TCF20: variants seen among roughly 807,000 people sequenced by gnomAD.
TCF20 encodes transcription factor 20.
A neutral mutation model predicts 148.6 loss-of-function variants in TCF20; 3 were observed. The observed-to-expected ratio is 0.02, with a 90% CI of 0.01 to 0.05. TCF20 has a LOEUF of 0.05. TCF20 is among the 10% of genes least tolerant of loss of function. The pLI is 1.00. For synonymous variants in TCF20, 1,049 were observed against 909.5 expected, an observed-to-expected ratio of 1.15 and a Z score of -2.76; for missense variants, 2,350 against 2,429.3, an observed-to-expected ratio of 0.97 and a Z score of 0.69.
intron 1 of TCF20, among the ~76,000 whole-genome samples, chr22:42,253,698 A>G (rs1389546268): frequency 6.6e-6 from 1 of 152,230 alleles, no homozygotes; most frequent in Admixed American, 6.5e-5. Flanking sequence ...CATTCCTTGA[A>G]AAGCTGAACA....
intron 2 of TCF20, among the ~76,000 whole-genome samples, chr22:42,187,186 T>G (rs1937085210): frequency 6.6e-6 from 1 of 152,212 alleles, no homozygotes; most frequent in South Asian, 2.1e-4. Context: ...GATGGTACTA[T>G]TCCTTACAAC....
intron 2 of TCF20, among the ~76,000 whole-genome samples, chr22:42,186,599 G>T (rs889960045): frequency 7.2e-5 from 11 of 152,114 alleles, no homozygotes; most frequent in African/African-American, 2.7e-4. Flanking sequence ...CATGGGTCTG[G>T]ACACCTGCTG....
Position 42,179,609 on chromosome 22 carries a change from C to T in TCF20, c.5749G>A (p.Asp1917Asn). ...RYHYPCAIDA[D>N]CLLHEENFSV... ...ACAAGGGTCTGTGGTCTCCTCTTAC[C>T]TGCATCAATGGCACACGGGTAATGG... The change falls in exon 3 of 6, where the codon GAT becomes AAT. Residue 1917 changes from aspartate to asparagine, a missense_variant and splice_region_variant. Physicochemically the swap from Asp to Asn is conservative, Grantham distance 23. Around this residue, in one of 7 missense-constraint regions of TCF20, gnomAD observed 67 missense variants for 60.8 expected, o/e 1.10. Coordinates refer to ENST00000677622, the MANE Select transcript of TCF20 (RefSeq NM_001378418.1). 1 of 1,613,136 alleles carries T rather than the reference C, an allele frequency of 6.2e-7. No homozygotes were observed. The highest frequency in any genetic ancestry group is 1.3e-5 in the African/African-American group (1 of 75,014).
At chr22:42,328,228 G>T (rs987741854) in intron 1 of TCF20, among the ~76,000 whole-genome samples, 1 of 151,970 alleles carries the variant, frequency 6.6e-6, no homozygotes, top group East Asian at 1.9e-4. Flanking sequence ...TTCTGCCCAC[G>T]TGTCCGCTCC....
intron 5 of TCF20, among the ~76,000 whole-genome samples, chr22:42,168,262 G>A (rs1307044703): frequency 2.0e-5 from 3 of 152,166 alleles, no homozygotes; most frequent in Non-Finnish European, 4.4e-5. Flanking sequence ...TCTGAGACGG[G>A]GGAAAGAGCA....
At position 42,211,365 on chromosome 22, in the gene TCF20, C is replaced by G. The variant is rs555984492; in HGVS notation, c.3941G>C (p.Arg1314Thr). Residue 1314 changes from arginine to threonine, a missense_variant, in exon 2 of 6, where the codon AGA (arginine) becomes ACA (threonine). Around this residue, in one of 7 missense-constraint regions of TCF20, gnomAD observed 1,641 missense variants for 1,662.6 expected, o/e 0.99. Coordinates refer to ENST00000677622, the MANE Select transcript of TCF20 (RefSeq NM_001378418.1). ...ACTTGGAAGGTCCTTGGAGGAATCT[C>G]TCTTAGGGATAGACTTGATATCCTG... ...HSQDIKSIPK[R>T]DSSKDLPSPD... is the part of the protein sequence containing the mutation. 2 of 1,614,152 alleles carry G rather than the reference C, an allele frequency of 1.2e-6. No homozygotes were observed. The highest frequency in any genetic ancestry group is 4.5e-5 in the East Asian group (2 of 44,890).
In TCF20 at chr22:42,211,702, C is replaced by T. The variant is rs149389913; in HGVS notation, c.3604G>A (p.Gly1202Ser). The change falls in exon 2 of 6, where the codon GGT becomes AGT. Residue 1202 changes from glycine (G) to serine (S), a missense_variant. By Grantham distance (56) the Gly-to-Ser change is moderately conservative. Coordinates refer to ENST00000677622, the MANE Select transcript of TCF20 (RefSeq NM_001378418.1). ...TTTTGACTGGACATTCCTGGAGGAC[C>T]GCTGCTTTTGGCTGGAGAAGTTTGC... ...SRQTSPAKSS[G>S]PPGMSSQKRY... The T allele has an allele frequency of 6.8e-5, 109 of 1,614,022 alleles. No homozygotes were observed. The highest frequency in any genetic ancestry group is 8.7e-5 in the Non-Finnish European group (103 of 1,180,038).
intron 2 of TCF20, among the ~76,000 whole-genome samples, chr22:42,181,274 C>G (rs1356668730): frequency 6.6e-6 from 1 of 152,190 alleles, no homozygotes; most frequent in Admixed American, 6.5e-5. Context: ...ACCTCTGCCT[C>G]CCAGTTTCAA....
At chr22:42,173,949 C>G (rs1348293272) in intron 3 of TCF20, among the ~76,000 whole-genome samples, 2 of 152,314 alleles carry the variant, frequency 1.3e-5, no homozygotes, top group South Asian at 2.1e-4. Context: ...ACCAGCTTAA[C>G]TAGGCAGGCT....
intron 1 of TCF20, among the ~76,000 whole-genome samples, chr22:42,254,229 G>A (rs972092581): frequency 1.3e-5 from 2 of 152,022 alleles, no homozygotes; most frequent in African/African-American, 4.8e-5. Context: ...GAATATGATG[G>A]GCAACAGACA....
At chr22:42,300,155 T>G (rs2147033141) in intron 1 of TCF20, among the ~76,000 whole-genome samples, 1 of 152,106 alleles carries the variant, frequency 6.6e-6, no homozygotes, top group Non-Finnish European at 1.5e-5. Context: ...GTTAGGGGAA[T>G]GCGGTTTTAT....
chr22:42,306,268 T>A (rs1218260265), intron 1 of TCF20, among the ~76,000 whole-genome samples: 1 of 152,254 alleles, frequency 6.6e-6, no homozygotes, highest in Non-Finnish European at 1.5e-5. Context: ...AATTAGGAGT[T>A]GCCACCTGCA....
intron 2 of TCF20, among the ~76,000 whole-genome samples, chr22:42,194,634 G>A (rs554087272): frequency 6.6e-6 from 1 of 152,218 alleles, no homozygotes; most frequent in South Asian, 2.1e-4. Flanking sequence ...TGGTGTTACT[G>A]AGAAAGCCAG....
chr22:42,319,622 G>A, intron 1 of TCF20, among the ~76,000 whole-genome samples: 1 of 152,190 alleles, frequency 6.6e-6, no homozygotes, highest in East Asian at 1.9e-4. Context: ...ACTTCTACCA[G>A]CGCTGGAACT....
At chr22:42,196,931 T>C (rs1027638986) in intron 2 of TCF20, among the ~76,000 whole-genome samples, 5 of 152,190 alleles carry the variant, frequency 3.3e-5, no homozygotes, top group Non-Finnish European at 5.9e-5. Flanking sequence ...TAGCAGTTCT[T>C]CAATTCTATT....
At chr22:42,235,757 T>C (rs1446453965) in intron 1 of TCF20, among the ~76,000 whole-genome samples, 1 of 152,146 alleles carries the variant, frequency 6.6e-6, no homozygotes, top group Non-Finnish European at 1.5e-5. Flanking sequence ...CCTGCAAAAG[T>C]GGAGTTAACC....
chr22:42,265,912 A>C (rs1165007985), intron 1 of TCF20, among the ~76,000 whole-genome samples: 1 of 152,140 alleles, frequency 6.6e-6, no homozygotes, highest in African/African-American at 2.4e-5. Context: ...TGAAAAGAGA[A>C]ATTTTTTCAC....
intron 1 of TCF20, among the ~76,000 whole-genome samples, chr22:42,263,174 G>C (rs747748740): frequency 1.3e-5 from 2 of 152,146 alleles, no homozygotes; most frequent in African/African-American, 2.4e-5. Context: ...ATGGAGCCAG[G>C]ATGAGGTTGC....
intron 2 of TCF20, among the ~76,000 whole-genome samples, chr22:42,202,123 G>C (rs983162099): frequency 6.6e-6 from 1 of 152,178 alleles, no homozygotes; most frequent in East Asian, 1.9e-4. Flanking sequence ...AAGAGATTAA[G>C]TTCTGAACAC....
Sources: allele counts gnomAD v4.1 joint callset (sites outside exome capture counted in the v4.1 genomes callset), GRCh38; gene constraint gnomAD v4.1.1; regional missense constraint gnomAD v4.1.1; transcripts MANE v1.5; gene names NCBI Gene and HGNC (gene_info 2026-07-23, HGNC 2026-07-21).